The following ADGRV1 variants were observed in gnomAD, a reference collection of about 807,000 sequenced individuals.
ADGRV1 encodes the protein G-protein coupled receptor 98.
Under a neutral mutation model 596.2 loss-of-function variants are expected in ADGRV1, and 359 were observed. The ratio of observed to expected loss-of-function variants is 0.60; its 90% confidence interval spans 0.55 to 0.66. The LOEUF (loss-of-function observed/expected upper bound fraction) is 0.66. Among genes scored for constraint, ADGRV1 ranks in the 30% least tolerant of loss-of-function variants. ADGRV1 has a pLI of 0.00. For synonymous variants in ADGRV1, 2,681 were observed against 2,679.2 expected, an observed-to-expected ratio of 1.00 and a Z score of -0.02; for missense variants, 7,274 against 7,575.6, an observed-to-expected ratio of 0.96 and a Z score of 1.48.
intron 10 of ADGRV1, among the ~76,000 whole-genome samples, chr5:90,636,549 T>A (rs1005550283): frequency 1.3e-5 from 2 of 152,214 alleles, no homozygotes; most frequent in Non-Finnish European, 2.9e-5. Flanking sequence ...TTCATATTTT[T>A]CCCTTAAGAA....
chr5:90,639,280 A>G (rs758917623), intron 11 of ADGRV1, among the ~76,000 whole-genome samples: 3 of 152,118 alleles, frequency 2.0e-5, no homozygotes, highest in South Asian at 2.1e-4. Flanking sequence ...CATTCAGTGG[A>G]CAATCTTGAA....
At chr5:90,856,156 A>G (rs1294951825) in intron 82 of ADGRV1, among the ~76,000 whole-genome samples, 1 of 152,178 alleles carries the variant, frequency 6.6e-6, no homozygotes, top group Non-Finnish European at 1.5e-5. Context: ...TGTAGGATAG[A>G]AGCTAGATAA....
intron 85 of ADGRV1, among the ~76,000 whole-genome samples, chr5:91,001,309 C>G (rs1259982772): frequency 6.6e-6 from 1 of 152,088 alleles, no homozygotes; most frequent in East Asian, 1.9e-4. Context: ...TACTGCTGAC[C>G]TGGAGGAATC....
At chr5:90,984,213 T>G (rs1780307390) in intron 84 of ADGRV1, among the ~76,000 whole-genome samples, 2 of 152,102 alleles carry the variant, frequency 1.3e-5, no homozygotes, top group Non-Finnish European at 2.9e-5. Context: ...TATAGACATA[T>G]AATAATATAG....
chr5:91,121,963 A>G (rs1284490042), intron 87 of ADGRV1, among the ~76,000 whole-genome samples: 1 of 152,058 alleles, frequency 6.6e-6, no homozygotes, highest in Non-Finnish European at 1.5e-5. Flanking sequence ...TATGGTTTAA[A>G]GAGAAGAAAA....
At chr5:90,614,207 T>G (rs781246770) in intron 1 of ADGRV1, 1 of 386,768 alleles carries the variant, frequency 2.6e-6, no homozygotes, top group Non-Finnish European at 4.9e-6. Flanking sequence ...AATATATACT[T>G]TGGCAAATTT....
intron 1 of ADGRV1, among the ~76,000 whole-genome samples, chr5:90,604,071 G>A (rs1561367639): frequency 1.3e-5 from 2 of 151,926 alleles, no homozygotes; most frequent in Admixed American, 1.3e-4. Context: ...GGCAGCTACT[G>A]CTTAGCTCCA....
At chr5:90,630,448 A>G (rs2149386774) in intron 9 of ADGRV1, 1 of 152,316 alleles carries the variant, frequency 6.6e-6, no homozygotes, top group African/African-American at 2.4e-5. Context: ...TAACCAAAAT[A>G]TTATTTTTAT....
chr5:91,085,436 C>T (rs913706173), intron 86 of ADGRV1, among the ~76,000 whole-genome samples: 5 of 152,054 alleles, frequency 3.3e-5, no homozygotes, highest in African/African-American at 4.8e-5. Flanking sequence ...AAGTCTTAAG[C>T]GATCTTTGAA....
chr5:91,053,571 C>T (rs1462036577), intron 85 of ADGRV1, among the ~76,000 whole-genome samples: 1 of 152,196 alleles, frequency 6.6e-6, no homozygotes, highest in East Asian at 1.9e-4. Context: ...CTTTTCTTTG[C>T]CATTGTCCAG....
chr5:91,068,312 CA>C (rs1461970993), intron 85 of ADGRV1, among the ~76,000 whole-genome samples: 3 of 150,106 alleles, frequency 2.0e-5, no homozygotes, highest in African/African-American at 7.3e-5. Context: ...AAACAAAAAA[CA>C]AAAAAATTAG....
At chr5:90,736,749 G>A (rs755505089) in intron 50 of ADGRV1, among the ~76,000 whole-genome samples, 5 of 151,494 alleles carry the variant, frequency 3.3e-5, no homozygotes, top group Non-Finnish European at 7.4e-5. Context: ...TCCAATTTTT[G>A]GCACATAACT....
At chr5:91,089,291 A>G (rs182694899) in intron 86 of ADGRV1, among the ~76,000 whole-genome samples, 1 of 152,272 alleles carries the variant, frequency 6.6e-6, no homozygotes, top group African/African-American at 2.4e-5. Context: ...GGGAAATACC[A>G]TTATTTCTAA....
intron 17 of ADGRV1, among the ~76,000 whole-genome samples, chr5:90,648,679 CTG>C (rs1462547289): frequency 6.6e-6 from 1 of 152,170 alleles, no homozygotes; most frequent in Non-Finnish European, 1.5e-5. Flanking sequence ...TTCTTCATTG[CTG>C]TCTCTGTTTC....
At chr5:90,817,355 T>G (rs977437862) in intron 75 of ADGRV1, among the ~76,000 whole-genome samples, 9 of 151,482 alleles carry the variant, frequency 5.9e-5, no homozygotes, top group African/African-American at 2.2e-4. Flanking sequence ...GTCTCCCATT[T>G]TGTAGGTTGC....
At chr5:90,926,297 C>T (rs1213882807) in intron 83 of ADGRV1, among the ~76,000 whole-genome samples, 1 of 151,828 alleles carries the variant, frequency 6.6e-6, no homozygotes, top group Non-Finnish European at 1.5e-5. Flanking sequence ...TTGATTATTG[C>T]CACAATTTCA....
chr5:91,132,447 T>A (rs1794296556), intron 87 of ADGRV1, among the ~76,000 whole-genome samples: 1 of 152,206 alleles, frequency 6.6e-6, no homozygotes, highest in African/African-American at 2.4e-5. Flanking sequence ...GATGACTGCA[T>A]TAAGTTCTGA....
intron 83 of ADGRV1, among the ~76,000 whole-genome samples, chr5:90,916,826 G>A (rs1773422843): frequency 6.6e-6 from 1 of 151,464 alleles, no homozygotes; most frequent in East Asian, 1.9e-4. Context: ...TAGAGACGGG[G>A]TTTCACCGTT....
chr5:90,716,389 A>G (rs1367400066), intron 42 of ADGRV1, 78 bp from the exon 43 acceptor site: 12 of 1,065,864 alleles, frequency 1.1e-5, no homozygotes, highest in African/African-American at 1.1e-4. Context: ...CTAGTTTTCA[A>G]TTAGACATCC....
Sources: gnomAD v4.1 joint callset for allele counts (sites outside exome capture counted in the v4.1 genomes callset) on GRCh38, gnomAD v4.1.1 for gene constraint, MANE v1.5 for transcripts, NCBI Gene and HGNC (gene_info 2026-07-23, HGNC 2026-07-21) for gene names.